MUC4: variants seen among roughly 807,000 people sequenced by gnomAD.
The protein encoded by MUC4 is mucin-4.
In MUC4, 202 loss-of-function variants were observed where a neutral mutation model predicts 257.9. That is an observed-to-expected ratio of 0.78 (90% CI 0.70 to 0.88). The LOEUF (loss-of-function observed/expected upper bound fraction) is 0.88, where lower values mean the gene tolerates loss of function less well. Ranked by LOEUF, MUC4 falls within the 40% of genes least tolerant of loss-of-function variation. MUC4 has a pLI of 0.00. For synonymous variants in MUC4, 2,351 were observed against 2,757.1 expected (o/e 0.85, Z 4.62); for missense variants, 5,976 against 6,513.7 (o/e 0.92, Z 2.84).
chr3:195,794,836 C>G (rs187662849), intron 1 of MUC4, among the ~76,000 whole-genome samples: 3 of 152,312 alleles, frequency 2.0e-5, no homozygotes, highest in Admixed American at 2.0e-4. Flanking sequence ...TATGAACCAG[C>G]TCTAATTGTT....
At chr3:195,751,574 C>G in intron 21 of MUC4, 1 of 518,734 alleles carries the variant, frequency 1.9e-6, no homozygotes, top group Non-Finnish European at 3.5e-6. Flanking sequence ...ACACATGACT[C>G]ATGACCTCCT....
At chr3:195,756,328 C>G (rs924106060) in intron 18 of MUC4, among the ~76,000 whole-genome samples, 2 of 152,202 alleles carry the variant, frequency 1.3e-5, no homozygotes, top group Non-Finnish European at 2.9e-5. Context: ...TGTGGACTCA[C>G]GCCCAGGGAC....
At chr3:195,768,068 G>C (rs899007228) in intron 7 of MUC4, among the ~76,000 whole-genome samples, 3 of 152,082 alleles carry the variant, frequency 2.0e-5, no homozygotes, top group Non-Finnish European at 4.4e-5. Flanking sequence ...GCCTGCTGCA[G>C]AGTGGGGACT....
Position 195,754,291 on chromosome 3 carries a change from G to A in MUC4, c.15250C>T (p.Pro5084Ser), listed in dbSNP as rs1386810668. 3 of 1,613,888 alleles carry A rather than the reference G, an allele frequency of 1.9e-6. No individual in the cohort carries two copies. The highest frequency in any genetic ancestry group is 1.7e-5 in the Admixed American group (1 of 60,016). ...SEDACEEPCF[P>S]SVHCVPGKGC... ...TTCCCAGGAACGCAGTGGACACTCG[G>A]GAAGCACGGCTCCTCACAGGCATCC... The change falls in exon 19 of 25, where the codon CCG becomes TCG. Residue 5084 changes from proline to serine, a missense_variant. This residue lies in a region of MUC4 where 996 missense variants were observed against 1,137.3 expected (regional missense o/e 0.88). Coordinates refer to ENST00000463781, the MANE Select transcript of MUC4 (RefSeq NM_018406.7).
chr3:195,804,469 T>C (rs1420804711), intron 1 of MUC4, among the ~76,000 whole-genome samples: 5 of 152,222 alleles, frequency 3.3e-5, no homozygotes, highest in Non-Finnish European at 7.3e-5. Flanking sequence ...AGCCACTCCC[T>C]GAAGACACAC....
chr3:195,791,707 C>T (rs112095545), intron 1 of MUC4, among the ~76,000 whole-genome samples: 13,656 of 152,184 alleles, frequency 0.09, 663 homozygotes, highest in Middle Eastern at 0.2. Context: ...GCAAAAAGAA[C>T]AAAGTGGGAG....
At position 195,782,519 on chromosome 3, in the gene MUC4, G is replaced by C. The variant is rs187613383; in HGVS notation, c.9061C>G (p.His3021Asp). 8.0e-6 allele frequency: 11 copies of C among 1,381,582 alleles called. No individual in the cohort carries two copies. In the East Asian group the frequency reaches 8.1e-5, roughly 10 times the overall value. The allele number at this position is 1,381,582 out of a possible 1,614,324, so 85.6% of individuals were successfully genotyped here. A position where few individuals can be genotyped will look rare whatever the true frequency, so the allele number is the denominator to read the frequency against. The change falls in exon 2 of 25, where the codon CAC becomes GAC. Residue 3021 changes from histidine (H) to aspartate (D), a missense_variant. Physicochemically the swap from His to Asp is moderately conservative, Grantham distance 81. Transcript: ENST00000463781. ...CTGGTGACATGAAGAGGGGTGGCGT[G>C]ACCTGTGGATATTGAGGAAGTGTCG... Reference protein sequence around the residue: ...VTDTSSISTGHATPLHVTSPS... With the variant: ...VTDTSSISTGDATPLHVTSPS...
At position 195,784,551 on chromosome 3, in the gene MUC4, G is replaced by C. The variant is rs1730382013; in HGVS notation, c.7029C>G (p.Ser2343=). 6.5e-7 allele frequency: 1 copy of C among 1,532,204 alleles called. No individual in the cohort carries two copies. The highest frequency in any genetic ancestry group is 8.8e-7 in the Non-Finnish European group (1 of 1,137,546). The allele number at this position is 1,532,204 out of a possible 1,614,324, so 94.9% of individuals were successfully genotyped here. The change falls in exon 2 of 25, where the codon TCC becomes TCG. Residue 2343 remains serine (S), a synonymous_variant. Coordinates refer to ENST00000463781, the MANE Select transcript of MUC4 (RefSeq NM_018406.7). ...DTTPLPVTSP[S]SASTGHATPL... Reference sequence around the variant, plus strand: ...GGGTGGCGTGACCTGTGGATGCTGAGGAAGGGCTAGTGACAGGAAGAGGCG... The same window carrying C: ...GGGTGGCGTGACCTGTGGATGCTGACGAAGGGCTAGTGACAGGAAGAGGCG...
chr3:195,761,631 C>T, intron 14 of MUC4, 46 bp from the exon 15 acceptor site: 1 of 1,468,798 alleles, frequency 6.8e-7, no homozygotes, highest in Non-Finnish European at 9.5e-7. Flanking sequence ...ACGCGGCTGT[C>T]CCCTTCCTGG....
chr3:195,770,494 C>T, intron 5 of MUC4, 123 bp from the exon 6 acceptor site: 1 of 1,099,464 alleles, frequency 9.1e-7, no homozygotes, highest in Non-Finnish European at 1.3e-6. Context: ...CTCCCCTGTC[C>T]CAGGCCTGCA....
At chr3:195,766,189 G>A (rs985213536) in intron 8 of MUC4, among the ~76,000 whole-genome samples, 2 of 152,130 alleles carry the variant, frequency 1.3e-5, no homozygotes, top group Non-Finnish European at 2.9e-5. Flanking sequence ...TCGAACTCCT[G>A]ATCTCAAGTG....
Position 195,771,064 on chromosome 3 carries a change from CCTGGTCAGTCTCGT to C in MUC4, c.13242+574_13242+587del, listed in dbSNP as rs1560273320. 4.3e-3 allele frequency among the ~76,000 whole-genome samples: 600 copies of C among 139,390 alleles called. 19 individuals are homozygous for C. The highest frequency in any genetic ancestry group is 8.3e-3 in the Middle Eastern group (2 of 242). The allele number at this position is 139,390 out of a possible 152,430, so 91.4% of individuals were successfully genotyped here. On this transcript the variant is annotated intron_variant, in intron 5 of 24. Coordinates refer to ENST00000463781, the MANE Select transcript of MUC4 (RefSeq NM_018406.7). Reference sequence around the variant, plus strand: ...AGTCTCGTGGTTGGGTTGGGGTATTCCTGGTCAGTCTCGTGGCCGGGTTGGGGTATTCCTGGTCA... The same window carrying C: ...AGTCTCGTGGTTGGGTTGGGGTATTCGGCCGGGTTGGGGTATTCCTGGTCA...
Position 195,784,316 on chromosome 3 carries a change from G to A in MUC4, c.7264C>T (p.Leu2422Phe), listed in dbSNP as rs559501528. The A allele has an allele frequency of 4.5e-4, 648 of 1,424,366 alleles. 93 individuals carry two copies. In the African/African-American group the frequency reaches 9.8e-3, roughly 21 times the overall value. The allele number at this position is 1,424,366 out of a possible 1,614,324, so 88.2% of individuals were successfully genotyped here. A position where few individuals can be genotyped will look rare whatever the true frequency, so the allele number is the denominator to read the frequency against. Reference protein sequence around the residue: ...GHATHLPVTGLSSASTGDTTR... With the variant: ...GHATHLPVTGFSSASTGDTTR... Reference sequence around the variant, plus strand: ...GTGTCACCTGTGGAAGCTGAGGAAAGGCCGGTGACAGGAAGATGGGTGGCG... The same window carrying A: ...GTGTCACCTGTGGAAGCTGAGGAAAAGCCGGTGACAGGAAGATGGGTGGCG... The change falls in exon 2 of 25, where the codon CTT (leucine) becomes TTT (phenylalanine). Residue 2422 changes from leucine to phenylalanine, a missense_variant. Coordinates refer to ENST00000463781, the MANE Select transcript of MUC4 (RefSeq NM_018406.7).
chr3:195,751,161 G>GGC, intron 22 of MUC4, 46 bp downstream of exon 22: 1 of 699,724 alleles, frequency 1.4e-6, no homozygotes, highest in Non-Finnish European at 2.4e-6. Context: ...GGGGGTGGGG[G>GGC]ATGAGGAAGA....
chr3:195,783,143 G>T lies in MUC4; in HGVS notation c.8437C>A (p.His2813Asn). The T allele has an allele frequency of 1.5e-6, 2 of 1,340,892 alleles. No homozygotes were observed. The highest frequency in any genetic ancestry group is 1.4e-5 in the South Asian group (1 of 70,474). 83.1% of individuals were successfully genotyped at this position (1,340,892 alleles called of 1,614,324 possible). A position where few individuals can be genotyped will look rare whatever the true frequency, so the allele number is the denominator to read the frequency against. Reference sequence around the variant, plus strand: ...TCGGTGACAGGAAGAGAGGTGGCGTGACCTGTGGACACTGACGAAGCGTCG... The same window carrying T: ...TCGGTGACAGGAAGAGAGGTGGCGTTACCTGTGGACACTGACGAAGCGTCG... The part of the protein sequence containing the change: ...VTDASSVSTG[H>N]ATSLPVTDAS... The change falls in exon 2 of 25, where the codon CAC (histidine) becomes AAC (asparagine). Residue 2813 changes from histidine to asparagine, a missense_variant. By Grantham distance (68) the His-to-Asn change is moderately conservative. Coordinates refer to ENST00000463781, the MANE Select transcript of MUC4 (RefSeq NM_018406.7).
Position 195,787,942 on chromosome 3 carries a change from T to G in MUC4, c.3638A>C (p.His1213Pro). Residue 1213 changes from histidine (H) to proline (P), a missense_variant, in exon 2 of 25, where the codon CAC becomes CCC. His to Pro is a moderately conservative substitution (Grantham distance 77). This residue lies in a region of MUC4 where 90 missense variants were observed against 106.2 expected (regional missense o/e 0.85). Transcript: ENST00000463781. ...VTDTSSASTG[H>P]ATPLPVTDAS... The stretch of plus-strand genomic sequence containing the variant: ...GTCGGTGACAGGAAGAGGGGTGGCG[T>G]GTCCTGTGGATGCTGAGGAAGTGTC... The G allele has an allele frequency of 2.7e-6, 3 of 1,104,114 alleles. No individual in the cohort carries two copies. In the East Asian group the frequency reaches 8.6e-5, roughly 31 times the overall value. 68.4% of individuals were successfully genotyped at this position (1,104,114 alleles called of 1,614,324 possible).
chr3:195,766,662 C>G lies in MUC4; in HGVS notation c.13618+1G>C. ...CAGGTGTGATAAGGTGGCACTTTTACCTGAGTTGGAATTCAGGAATCTATC... is the reference window on the plus strand; with the variant it reads ...CAGGTGTGATAAGGTGGCACTTTTAGCTGAGTTGGAATTCAGGAATCTATC... On this transcript the variant is annotated splice_donor_variant, in intron 8 of 24. Transcript: ENST00000463781. LOFTEE classifies it high-confidence loss of function. The G allele has an allele frequency of 6.2e-7, 1 of 1,614,066 alleles. No homozygotes were observed. Among genetic ancestry groups the G allele is most frequent in the Non-Finnish European group, 8.5e-7 (1 of 1,179,956 alleles).
Position 195,811,741 on chromosome 3 carries a change from A to C in MUC4, c.77T>G (p.Val26Gly). The C allele has an allele frequency of 6.2e-7, 1 of 1,613,720 alleles. No individual in the cohort carries two copies. The highest frequency in any genetic ancestry group is 8.5e-7 in the Non-Finnish European group (1 of 1,179,916). ...CLCLCLLPHV[V>G]PGTTEDTLIT... The stretch of plus-strand genomic sequence containing the variant: ...CTGCTGTCTCCATCACTTACCTGGG[A>C]CCACATGCGGAAGGAGGCAGAGACA... The change falls in exon 1 of 25, where the codon GTC becomes GGC. Residue 26 changes from valine to glycine, a missense_variant. Val to Gly is a moderately radical substitution (Grantham distance 109, BLOSUM62 -3). Transcript: ENST00000463781.
chr3:195,780,016 A>G lies in MUC4; in HGVS notation c.11564T>C (p.Met3855Thr), dbSNP rs111268063. Residue 3855 changes from methionine (M) to threonine (T), a missense_variant, in exon 2 of 25, where the codon ATG becomes ACG. Coordinates refer to ENST00000463781, the MANE Select transcript of MUC4 (RefSeq NM_018406.7). ...IPSSVSTGDT[M>T]PLPVTSPSSA... ...GGAAGGGCTAGTGACAGGAAGAGGC[A>G]TGGTGTCACCTGTGGATACTGAGGA... 1,980 of 1,236,376 alleles carry G rather than the reference A, an allele frequency of 1.6e-3. 102 individuals are homozygous for G. The highest frequency in any genetic ancestry group is 0.013 in the African/African-American group (358 of 26,766). 76.6% of individuals were successfully genotyped at this position (1,236,376 alleles called of 1,614,324 possible).
Sources: allele counts gnomAD v4.1 joint callset (sites outside exome capture counted in the v4.1 genomes callset), GRCh38; gene constraint gnomAD v4.1.1; regional missense constraint gnomAD v4.1.1; transcripts MANE v1.5; gene names NCBI Gene and HGNC (gene_info 2026-07-23, HGNC 2026-07-21).